The following ITK variants were observed in gnomAD, a reference collection of about 807,000 sequenced individuals.
ITK encodes the protein tyrosine-protein kinase ITK/TSK.
Under a neutral mutation model 87.6 loss-of-function variants are expected in ITK, and 45 were observed. The observed-to-expected ratio is 0.51, with a 90% CI of 0.40 to 0.66. ITK has a LOEUF of 0.66. Ranked by LOEUF, ITK falls within the 30% of genes least tolerant of loss-of-function variation. The probability of loss-of-function intolerance (pLI) is 0.00; values close to 1 mark genes in which losing one functional copy is unlikely to be tolerated. For synonymous variants in ITK, 303 were observed against 273.6 expected (o/e 1.11, Z -1.06); for missense variants, 605 against 766.3 (o/e 0.79, Z 2.48).
chr5:157,253,019 G>C lies in ITK; in HGVS notation c.*341G>C. Reference sequence around the variant, plus strand: ...TAGCAACAGAGAGAGACATGAGTAAGACCCAGATTGCTATTTTTATTGTTA... The same window carrying C: ...TAGCAACAGAGAGAGACATGAGTAACACCCAGATTGCTATTTTTATTGTTA... On this transcript the variant is annotated 3_prime_UTR_variant, in exon 17 of 17. Transcript: ENST00000422843. 2.5e-6 allele frequency: 1 copy of C among 395,770 alleles called. No homozygotes were observed. The highest frequency in any genetic ancestry group is 3.1e-5 in the South Asian group (1 of 31,792). 24.5% of individuals were successfully genotyped at this position (395,770 alleles called of 1,614,324 possible). A position where few individuals can be genotyped will look rare whatever the true frequency, so the allele number is the denominator to read the frequency against.
chr5:157,181,238 A>G lies in ITK; in HGVS notation c.138+123A>G. On this transcript the variant is annotated intron_variant, in intron 1 of 16. Coordinates refer to ENST00000422843, the MANE Select transcript of ITK (RefSeq NM_005546.4). ...AAACACAAACATGCTTATTGTAACA[A>G]CATAAAAAGTACAGTAAAAGTAATC... 4 of 1,061,560 alleles carry G rather than the reference A, an allele frequency of 3.8e-6. No homozygotes were observed. In the Admixed American group the frequency reaches 5.2e-5, roughly 14 times the overall value. The allele number at this position is 1,061,560 out of a possible 1,614,324, so 65.8% of individuals were successfully genotyped here.
chr5:157,203,664 T>G (rs188589382), intron 1 of ITK, among the ~76,000 whole-genome samples: 9 of 152,290 alleles, frequency 5.9e-5, no homozygotes, highest in African/African-American at 1.9e-4. Flanking sequence ...CTACTATTTG[T>G]GAAAAAACAG....
At chr5:157,198,392 G>T (rs532667309) in intron 1 of ITK, among the ~76,000 whole-genome samples, 2 of 152,028 alleles carry the variant, frequency 1.3e-5, no homozygotes, top group African/African-American at 2.4e-5. Context: ...CAAATGGCAG[G>T]TTTTAAAGGA....
intron 4 of ITK, among the ~76,000 whole-genome samples, chr5:157,216,903 T>C (rs886746989): frequency 6.6e-6 from 1 of 152,138 alleles, no homozygotes; most frequent in Non-Finnish European, 1.5e-5. Context: ...CCAGTGTCAA[T>C]GTGTGACTCT....
Position 157,238,146 on chromosome 5 carries a change from C to T in ITK, c.806C>T (p.Thr269Ile). 1 of 1,613,942 alleles carries T rather than the reference C, an allele frequency of 6.2e-7. No homozygotes were observed. Residue 269 changes from threonine (T) to isoleucine (I), a missense_variant, in exon 9 of 17, where the codon ACT (threonine) becomes ATT (isoleucine). By Grantham distance (89) the Thr-to-Ile change is moderately conservative (BLOSUM62 -1). This residue lies in a region of ITK where 464 missense variants were observed against 578.0 expected (regional missense o/e 0.80). Transcript: ENST00000422843. ...GCCTTCATGGTAAGGGATTCCAGGA[C>T]TGCAGGAACATACACCGTGTCTGTT... Reference protein sequence around the residue: ...EGAFMVRDSRTAGTYTVSVFT... With the variant: ...EGAFMVRDSRIAGTYTVSVFT...
Position 157,230,328 on chromosome 5 carries a change from G to A in ITK, c.713+1967G>A, listed in dbSNP as rs192404680. On this transcript the variant is annotated intron_variant, in intron 7 of 16. Transcript: ENST00000422843. ...TATTTTACAGCTTTTCTGTAAGTTT[G>A]AAATTATTTAAAAATTTTAAAAAAT... Among the ~76,000 whole-genome samples the A allele has an allele frequency of 4.0e-3, 616 of 152,196 alleles. 15 individuals are homozygous for A. Among genetic ancestry groups the A allele is most frequent in the Admixed American group, 0.025 (389 of 15,276 alleles).
intron 5 of ITK, among the ~76,000 whole-genome samples, chr5:157,222,252 C>T (rs1754434842): frequency 6.6e-6 from 1 of 151,804 alleles, no homozygotes; most frequent in Non-Finnish European, 1.5e-5. Context: ...TTCATGTCCT[C>T]AATATGGACA....
chr5:157,214,295 G>T lies in ITK; in HGVS notation c.430G>T (p.Ala144Ser). ...SQLEKLATGC[A>S]QYDPTKNASK... ...GCTGGAGAAGCTTGCAACAGGCTGT[G>T]CCCAATATGATCCAACCAAGAATGG... Residue 144 changes from alanine to serine, a missense_variant, in exon 4 of 17, where the codon GCC (alanine) becomes TCC (serine). Physicochemically the swap from Ala to Ser is moderately conservative, Grantham distance 99. Transcript: ENST00000422843. 5 of 1,613,412 alleles carry T rather than the reference G, an allele frequency of 3.1e-6. No individual in the cohort carries two copies. The highest frequency in any genetic ancestry group is 4.2e-6 in the Non-Finnish European group (5 of 1,179,338).
At chr5:157,182,602 C>T (rs1331550589) in intron 1 of ITK, among the ~76,000 whole-genome samples, 2 of 152,098 alleles carry the variant, frequency 1.3e-5, no homozygotes, top group Non-Finnish European at 2.9e-5. Flanking sequence ...AGTTTGTGAA[C>T]TTGGGGGATT....
In ITK at chr5:157,240,046, GT is replaced by G; in HGVS notation, c.852-13del. 6.2e-7 allele frequency: 1 copy of G among 1,609,686 alleles called. No individual in the cohort carries two copies. Among genetic ancestry groups the G allele is most frequent in the African/African-American group, 1.3e-5 (1 of 74,898 alleles). ...GCTTCTTAATAATCATTACATTTGT[GT>G]TTCATTTGTTTAAGTGAGAACAATC... On this transcript the variant is annotated splice_polypyrimidine_tract_variant and intron_variant, in intron 9 of 16. Transcript: ENST00000422843.
intron 13 of ITK, 22 bp downstream of exon 13, chr5:157,244,500 A>G (rs889386595): frequency 2.2e-6 from 3 of 1,364,728 alleles, no homozygotes; most frequent in Non-Finnish European, 3.1e-6. Context: ...CAGGGTGAAC[A>G]CCCACAGGTC....
Position 157,213,134 on chromosome 5 carries a change from T to C in ITK, c.326-1057T>C, listed in dbSNP as rs1754224504. ...TATGGCTGGGAGGCCTCAGGAAACT[T>C]ACAATCATGGTGGAAGGTGAAGGGG... On this transcript the variant is annotated intron_variant, in intron 3 of 16. Transcript: ENST00000422843. 2.0e-5 allele frequency among the ~76,000 whole-genome samples: 3 copies of C among 152,276 alleles called. No individual in the cohort carries two copies. The South Asian group carries it at 6.2e-4, about 32-fold the overall frequency.
intron 9 of ITK, among the ~76,000 whole-genome samples, chr5:157,239,108 C>T (rs1754834947): frequency 6.6e-6 from 1 of 152,086 alleles, no homozygotes. Flanking sequence ...ACCTGCAACC[C>T]CACAGGTATG....
At chr5:157,246,080 A>G (rs2113776096) in intron 15 of ITK, 81 bp downstream of exon 15, 1 of 954,020 alleles carries the variant, frequency 1.0e-6, no homozygotes. Flanking sequence ...AGACAACCCT[A>G]CCCACACTGA....
intron 3 of ITK, among the ~76,000 whole-genome samples, chr5:157,213,301 A>C (rs1244251303): frequency 6.6e-6 from 1 of 152,222 alleles, no homozygotes; most frequent in African/African-American, 2.4e-5. Flanking sequence ...CCCGTGATCC[A>C]ATTACCACCA....
chr5:157,210,079 A>C (rs30132), intron 2 of ITK, among the ~76,000 whole-genome samples: 106,874 of 151,926 alleles, frequency 0.7, 38,192 homozygotes, highest in East Asian at 0.98. Flanking sequence ...GCGTGTGCCA[A>C]CACTCCCGGC....
intron 1 of ITK, among the ~76,000 whole-genome samples, chr5:157,191,269 T>TG (rs1237411242): frequency 1.3e-5 from 2 of 152,126 alleles, no homozygotes; most frequent in African/African-American, 4.8e-5. Flanking sequence ...TCCTTCTTCC[T>TG]GGGGGTACTT....
intron 1 of ITK, among the ~76,000 whole-genome samples, chr5:157,199,081 T>C (rs919249092): frequency 1.5e-4 from 23 of 152,342 alleles, no homozygotes; most frequent in African/African-American, 5.3e-4. Context: ...AGTAGGTTTA[T>C]GTAATTTTAA....
At chr5:157,204,925 CT>C (rs1170141017) in intron 1 of ITK, among the ~76,000 whole-genome samples, 15 of 152,210 alleles carry the variant, frequency 9.9e-5, no homozygotes, top group Admixed American at 9.8e-4. Context: ...TATCTCAGTT[CT>C]GTTCCTCAGC....
Sources: gnomAD v4.1 joint callset for allele counts (sites outside exome capture counted in the v4.1 genomes callset) on GRCh38, gnomAD v4.1.1 for gene constraint, gnomAD v4.1.1 regional missense constraint, MANE v1.5 for transcripts, NCBI Gene and HGNC (gene_info 2026-07-23, HGNC 2026-07-21) for gene names.